DPP10: variants seen among roughly 807,000 people sequenced by gnomAD.
DPP10 encodes the protein dipeptidyl peptidase like 10.
Under a neutral mutation model 120.9 loss-of-function variants are expected in DPP10, and 33 were observed. The ratio of observed to expected loss-of-function variants is 0.27; its 90% CI spans 0.21 to 0.37. The LOEUF is 0.37. Ranked by LOEUF, DPP10 falls within the 10% of genes least tolerant of loss-of-function variation. The pLI is 1.00. For missense variants in DPP10, 816 were observed against 942.8 expected (o/e 0.87, Z 1.76); for synonymous variants, 337 against 326.1 (o/e 1.03, Z -0.36).
At chr2:114,492,953 C>G (rs1390205887) in intron 1 of DPP10, among the ~76,000 whole-genome samples, 1 of 152,156 alleles carries the variant, frequency 6.6e-6, no homozygotes, top group Non-Finnish European at 1.5e-5. Context: ...GGCTTTCCAG[C>G]CCTTAGGTTC....
At chr2:115,007,605 G>C (rs531321430) in intron 1 of DPP10, among the ~76,000 whole-genome samples, 1 of 150,362 alleles carries the variant, frequency 6.7e-6, no homozygotes, top group Non-Finnish European at 1.5e-5. Flanking sequence ...GGAAATAAAG[G>C]GTATTCAATT....
At chr2:115,305,137 A>G (rs1042796924) in intron 1 of DPP10, among the ~76,000 whole-genome samples, 4 of 151,882 alleles carry the variant, frequency 2.6e-5, no homozygotes, top group African/African-American at 9.7e-5. Context: ...GTTTGCCCCT[A>G]AGTTTCTAGA....
chr2:114,582,036 A>C (rs1225310715), intron 1 of DPP10, among the ~76,000 whole-genome samples: 1 of 152,202 alleles, frequency 6.6e-6, no homozygotes, highest in African/African-American at 2.4e-5. Flanking sequence ...TTGGATAAAT[A>C]TATAGTGACA....
intron 7 of DPP10, among the ~76,000 whole-genome samples, chr2:115,703,737 TCTAGA>T (rs1452331209): frequency 1.3e-5 from 2 of 151,970 alleles, no homozygotes; most frequent in African/African-American, 4.8e-5. Context: ...CACAGCAACG[TCTAGA>T]CTAGTGTTTT....
At chr2:115,352,750 A>G (rs959294013) in intron 3 of DPP10, among the ~76,000 whole-genome samples, 1 of 152,130 alleles carries the variant, frequency 6.6e-6, no homozygotes, top group African/African-American at 2.4e-5. Flanking sequence ...AAGGCTGTGA[A>G]TGGGACAGAA....
At chr2:114,758,851 C>T (rs1408799756) in intron 1 of DPP10, among the ~76,000 whole-genome samples, 2 of 152,092 alleles carry the variant, frequency 1.3e-5, no homozygotes, top group African/African-American at 2.4e-5. Context: ...AAGGTTTCAT[C>T]GTGAAATTAA....
At chr2:114,500,091 C>T (rs1683027152) in intron 1 of DPP10, among the ~76,000 whole-genome samples, 1 of 152,320 alleles carries the variant, frequency 6.6e-6, no homozygotes, top group South Asian at 2.1e-4. Context: ...TCATTTCTAT[C>T]GTGGCACATT....
chr2:114,523,516 G>T (rs1057139971), intron 1 of DPP10, among the ~76,000 whole-genome samples: 9 of 152,152 alleles, frequency 5.9e-5, no homozygotes, highest in African/African-American at 2.2e-4. Context: ...CCCTGTCACT[G>T]ACTGGTCCTT....
intron 1 of DPP10, among the ~76,000 whole-genome samples, chr2:114,684,068 G>A (rs1433731303): frequency 6.6e-6 from 1 of 151,976 alleles, no homozygotes; most frequent in Non-Finnish European, 1.5e-5. Context: ...ACCCTGCTCA[G>A]GGACAATCCA....
intron 1 of DPP10, among the ~76,000 whole-genome samples, chr2:115,226,280 C>T (rs757370214): frequency 6.6e-6 from 1 of 152,028 alleles, no homozygotes; most frequent in Non-Finnish European, 1.5e-5. Flanking sequence ...ACTTAATTAC[C>T]TATAGTTCTA....
At chr2:115,414,257 C>T (rs2069188132) in intron 3 of DPP10, among the ~76,000 whole-genome samples, 1 of 152,118 alleles carries the variant, frequency 6.6e-6, no homozygotes, top group Admixed American at 6.6e-5. Flanking sequence ...AATGTACTTT[C>T]AAGGCAAGTA....
chr2:114,589,172 C>T (rs1393780250), intron 1 of DPP10, among the ~76,000 whole-genome samples: 1 of 152,016 alleles, frequency 6.6e-6, no homozygotes, highest in Non-Finnish European at 1.5e-5. Context: ...CCGGGCATTC[C>T]ACCTCAGTCT....
chr2:115,655,784 G>T (rs988397528), intron 5 of DPP10, among the ~76,000 whole-genome samples: 3 of 151,418 alleles, frequency 2.0e-5, no homozygotes, highest in Admixed American at 6.6e-5. Context: ...AATTTTTGAA[G>T]AATTATCATA....
chr2:114,450,064 C>T (rs1158550328), intron 1 of DPP10, among the ~76,000 whole-genome samples: 1 of 152,038 alleles, frequency 6.6e-6, no homozygotes, highest in Non-Finnish European at 1.5e-5. Context: ...TGGAAAATAC[C>T]TGGGTAGCTG....
At chr2:115,547,312 T>C (rs1192072652) in intron 5 of DPP10, among the ~76,000 whole-genome samples, 1 of 152,196 alleles carries the variant, frequency 6.6e-6, no homozygotes, top group Non-Finnish European at 1.5e-5. Context: ...ACTAAAACCT[T>C]TTTTTATGAA....
chr2:115,759,242 A>G (rs1679799078), intron 11 of DPP10, among the ~76,000 whole-genome samples: 1 of 152,100 alleles, frequency 6.6e-6, no homozygotes, highest in Non-Finnish European at 1.5e-5. Flanking sequence ...ACTTATAAGG[A>G]AAAGAATGAA....
At chr2:114,869,982 C>G (rs1039328073) in intron 1 of DPP10, among the ~76,000 whole-genome samples, 1 of 152,156 alleles carries the variant, frequency 6.6e-6, no homozygotes, top group Non-Finnish European at 1.5e-5. Flanking sequence ...GTAAAATGAT[C>G]ACCAGGTAGG....
chr2:115,389,660 T>C (rs1328234685), intron 3 of DPP10, among the ~76,000 whole-genome samples: 1 of 152,140 alleles, frequency 6.6e-6, no homozygotes, highest in Non-Finnish European at 1.5e-5. Context: ...GTAATGCCCA[T>C]GAATTATAAC....
intron 1 of DPP10, among the ~76,000 whole-genome samples, chr2:114,616,042 G>A (rs2105308208): frequency 6.6e-6 from 1 of 152,142 alleles, no homozygotes; most frequent in East Asian, 1.9e-4. Flanking sequence ...TGTAACTGTT[G>A]GCTCATCATA....
Sources: allele counts gnomAD v4.1 joint callset (sites outside exome capture counted in the v4.1 genomes callset), GRCh38; gene constraint gnomAD v4.1.1; transcripts MANE v1.5; gene names NCBI Gene and HGNC (gene_info 2026-07-23, HGNC 2026-07-21).